ZNF407: variants seen among roughly 807,000 people sequenced by gnomAD.
ZNF407 encodes zinc finger protein 407.
Under a neutral mutation model 131.2 loss-of-function variants are expected in ZNF407, and 17 were observed. That is an observed-to-expected ratio of 0.13 (90% CI 0.09 to 0.19). The LOEUF (loss-of-function observed/expected upper bound fraction) is 0.19, where lower values mean the gene tolerates loss of function less well. Among genes scored for constraint, ZNF407 ranks in the 10% least tolerant of loss-of-function variants. The pLI, the probability that ZNF407 is intolerant of heterozygous loss-of-function variation, is 1.00. For synonymous variants in ZNF407, 1,156 were observed against 1,062.0 expected, an observed-to-expected ratio of 1.09 and a Z score of -1.72; for missense variants, 2,681 against 2,830.6, an observed-to-expected ratio of 0.95 and a Z score of 1.20.
At chr18:74,806,193 C>T (rs1568224463) in intron 4 of ZNF407, among the ~76,000 whole-genome samples, 2 of 152,214 alleles carry the variant, frequency 1.3e-5, no homozygotes, top group African/African-American at 4.8e-5. Context: ...GCTGTGACTG[C>T]AGGCCCACAC....
Position 74,778,227 on chromosome 18 carries a change from G to C in ZNF407, c.4803-3201G>C, listed in dbSNP as rs140970890. ...CCTCCTCCTCACTTACCAGCCCCCA[G>C]GTTTATGCTCCCACATCACATCTGT... On this transcript the variant is annotated intron_variant, in intron 3 of 8. Transcript: ENST00000299687. 2.6e-4 allele frequency among the ~76,000 whole-genome samples: 40 copies of C among 152,152 alleles called. No individual in the cohort carries two copies. In the East Asian group the frequency reaches 4.5e-3, roughly 17 times the overall value.
intron 3 of ZNF407, among the ~76,000 whole-genome samples, chr18:74,779,109 A>ATATATATATATATATATATTTTTTTT (rs397943457): frequency 8.2e-5 from 2 of 24,378 alleles, no homozygotes; most frequent in Non-Finnish European, 1.4e-4. Context: ...ATATATATAT[A>ATATATATATATATATATATTTTTTTT]TTTTTTTTTT....
chr18:74,607,921 C>T (rs1437553261), intron 1 of ZNF407, among the ~76,000 whole-genome samples: 3 of 152,262 alleles, frequency 2.0e-5, no homozygotes, highest in Middle Eastern at 3.4e-3. Flanking sequence ...TCTTCCTGAA[C>T]AATTGTAATT....
At chr18:74,672,370 C>T (rs1315660439) in intron 3 of ZNF407, among the ~76,000 whole-genome samples, 12 of 152,124 alleles carry the variant, frequency 7.9e-5, no homozygotes, top group South Asian at 6.2e-4. Context: ...TGTGTCTGTT[C>T]GTTGGAGCAC....
intron 8 of ZNF407, among the ~76,000 whole-genome samples, chr18:75,026,027 G>A (rs976492918): frequency 6.6e-6 from 1 of 152,218 alleles, no homozygotes; most frequent in African/African-American, 2.4e-5. Context: ...TCACTTTAGA[G>A]TGTTGTCTTG....
At chr18:74,689,178 TG>T (rs1232785980) in intron 3 of ZNF407, among the ~76,000 whole-genome samples, 6 of 152,214 alleles carry the variant, frequency 3.9e-5, no homozygotes, top group Non-Finnish European at 5.9e-5. Context: ...CAGTGTTTTC[TG>T]GTTTTCTGCA....
chr18:75,034,396 C>T (rs1256951865), intron 8 of ZNF407, among the ~76,000 whole-genome samples: 6 of 151,202 alleles, frequency 4.0e-5, no homozygotes, highest in East Asian at 1.9e-4. Context: ...CTCCGCCTCC[C>T]GGGTTCATGC....
Position 74,633,884 on chromosome 18 carries a change from C to T in ZNF407, c.2865C>T (p.Ser955=), listed in dbSNP as rs571433321. ...ACAAACCAGCTGAGTCACCCACCTC[C>T]GTTTTAGAGAAGCCAGATCGTGGAA... ...HANKPAESPT[S]VLEKPDRGNS... Residue 955 remains serine (S), a synonymous_variant, in exon 2 of 9, where the codon TCC becomes TCT. Transcript: ENST00000299687. 45 of 1,613,954 alleles carry T rather than the reference C, an allele frequency of 2.8e-5. No individual in the cohort carries two copies. The South Asian group carries it at 4.0e-4, about 14-fold the overall frequency.
At position 74,747,417 on chromosome 18, in the gene ZNF407, A is replaced by T. The variant is rs148360939; in HGVS notation, c.4803-34011A>T. Among the ~76,000 whole-genome samples the T allele has an allele frequency of 3.3e-5, 5 of 152,220 alleles. No individual in the cohort carries two copies. The East Asian group carries it at 9.6e-4, about 29-fold the overall frequency. ...TGTGAAAAATTATTTCCTCATAATG[A>T]CTTGACTTGGTTGATTTATGGTTAA... is the stretch of plus-strand genomic sequence containing the variant. On this transcript the variant is annotated intron_variant, in intron 3 of 8. Coordinates refer to ENST00000299687, the MANE Select transcript of ZNF407 (RefSeq NM_017757.3).
At chr18:74,610,027 G>A (rs1194413415) in intron 1 of ZNF407, among the ~76,000 whole-genome samples, 2 of 152,148 alleles carry the variant, frequency 1.3e-5, no homozygotes, top group Non-Finnish European at 2.9e-5. Context: ...CCCAACCGGA[G>A]CACATTGGAA....
intron 8 of ZNF407, among the ~76,000 whole-genome samples, chr18:75,059,234 A>G (rs999140240): frequency 7.2e-5 from 11 of 152,374 alleles, no homozygotes; most frequent in South Asian, 6.2e-4. Flanking sequence ...AGGGATCCAA[A>G]GGATAATTCT....
chr18:74,657,975 C>G (rs1196079763), intron 3 of ZNF407, among the ~76,000 whole-genome samples: 4 of 149,990 alleles, frequency 2.7e-5, no homozygotes, highest in African/African-American at 9.9e-5. Context: ...CTCCTCTTTC[C>G]TTTCCCTCCT....
intron 3 of ZNF407, among the ~76,000 whole-genome samples, chr18:74,714,918 C>A (rs570385129): frequency 6.6e-6 from 1 of 152,114 alleles, no homozygotes; most frequent in African/African-American, 2.4e-5. Flanking sequence ...CCTCTGCTCA[C>A]GGTGGAACTG....
In ZNF407 at chr18:74,911,926, G is replaced by A. The variant is rs62089912; in HGVS notation, c.5250-8588G>A. 9.4e-3 allele frequency among the ~76,000 whole-genome samples: 1,429 copies of A among 152,228 alleles called. 11 individuals carry two copies. Among genetic ancestry groups the A allele is most frequent in the Non-Finnish European group, 0.015 (1,014 of 68,004 alleles). On this transcript the variant is annotated intron_variant, in intron 7 of 8. Coordinates refer to ENST00000299687, the MANE Select transcript of ZNF407 (RefSeq NM_017757.3). ...GAATGAGAATGCTCTTTGGGCGGTG[G>A]GTTGTAGGAGCTTTCTGTTGTCTAG...
At chr18:74,846,171 T>C (rs1305089819) in intron 4 of ZNF407, among the ~76,000 whole-genome samples, 1 of 152,162 alleles carries the variant, frequency 6.6e-6, no homozygotes, top group African/African-American at 2.4e-5. Context: ...TTATAAATCT[T>C]AGAATAGCAT....
At chr18:74,903,689 G>A (rs975254838) in intron 7 of ZNF407, among the ~76,000 whole-genome samples, 2 of 152,108 alleles carry the variant, frequency 1.3e-5, no homozygotes, top group African/African-American at 4.8e-5. Context: ...TGAAGAGTTC[G>A]GGGGTCTATA....
chr18:75,020,223 G>C (rs1160395880), intron 8 of ZNF407, among the ~76,000 whole-genome samples: 1 of 151,978 alleles, frequency 6.6e-6, no homozygotes, highest in African/African-American at 2.4e-5. Context: ...ATAGGTATGT[G>C]TATGTAGGAA....
chr18:74,977,166 C>T (rs1972537841), intron 8 of ZNF407, among the ~76,000 whole-genome samples: 1 of 152,232 alleles, frequency 6.6e-6, no homozygotes, highest in Non-Finnish European at 1.5e-5. Flanking sequence ...ATAATACTTG[C>T]AGTAGCTCTT....
At chr18:74,693,623 A>G (rs768790825) in intron 3 of ZNF407, among the ~76,000 whole-genome samples, 12 of 152,092 alleles carry the variant, frequency 7.9e-5, no homozygotes, top group Non-Finnish European at 1.6e-4. Context: ...CTCTGTATAT[A>G]TCATGTTTCT....
Sources: allele counts gnomAD v4.1 joint callset (sites outside exome capture counted in the v4.1 genomes callset), GRCh38; gene constraint gnomAD v4.1.1; transcripts MANE v1.5; gene names NCBI Gene and HGNC (gene_info 2026-07-23, HGNC 2026-07-21).